KLRF1: variants seen among roughly 807,000 people sequenced by gnomAD.
KLRF1 encodes killer cell lectin-like receptor subfamily F member 1.
Under a neutral mutation model 30.7 loss-of-function variants are expected in KLRF1, and 27 were observed. That is an observed-to-expected ratio of 0.88 (90% CI 0.65 to 1.21). The LOEUF is 1.21. Among genes scored for constraint, KLRF1 ranks in the 50% most tolerant of loss-of-function variants. The probability of loss-of-function intolerance (pLI) is 0.00; values close to 1 mark genes in which losing one functional copy is unlikely to be tolerated. For synonymous variants in KLRF1, 92 were observed against 89.3 expected (o/e 1.03, Z -0.17); for missense variants, 246 against 259.3 (o/e 0.95, Z 0.35).
At chr12:9,805,502 AT>A in the KLRF1 span, among the ~76,000 whole-genome samples, 1 of 152,068 alleles carries the variant, frequency 6.6e-6, no homozygotes, top group Admixed American at 6.6e-5. Flanking sequence ...GTTGATGATT[AT>A]ATTTCAACAT....
At chr12:9,829,429 A>T (rs1038922598) in intron 1 of KLRF1, among the ~76,000 whole-genome samples, 2 of 152,084 alleles carry the variant, frequency 1.3e-5, no homozygotes, top group African/African-American at 4.8e-5. Flanking sequence ...TTATAGTAGC[A>T]TAAAACATTT....
chr12:9,800,205 A>G, the KLRF1 span, among the ~76,000 whole-genome samples: 1 of 152,138 alleles, frequency 6.6e-6, no homozygotes, highest in Non-Finnish European at 1.5e-5. Context: ...CATTTCAATC[A>G]GCAAAGAATG....
At chr12:9,844,363 A>G (rs1043437390) in intron 5 of KLRF1, 55 bp from the exon 6 acceptor site, 4 of 901,258 alleles carry the variant, frequency 4.4e-6, no homozygotes, top group Non-Finnish European at 7.2e-6. Context: ...CAGAAGACAC[A>G]AATGGATGTC....
chr12:9,811,346 C>T, the KLRF1 span, among the ~76,000 whole-genome samples: 5 of 88,978 alleles, frequency 5.6e-5, no homozygotes, highest in Non-Finnish European at 1.2e-4. Context: ...AGAGAGAAAA[C>T]ATTTGGAGTG....
chr12:9,821,137 A>G, the KLRF1 span, among the ~76,000 whole-genome samples: 1 of 152,054 alleles, frequency 6.6e-6, no homozygotes, highest in African/African-American at 2.4e-5. Context: ...ACAGCATGCC[A>G]CAGACACCAT....
At chr12:9,829,149 A>G (rs1867351513) in intron 1 of KLRF1, among the ~76,000 whole-genome samples, 1 of 152,200 alleles carries the variant, frequency 6.6e-6, no homozygotes, top group Non-Finnish European at 1.5e-5. Context: ...GATAGTAAGA[A>G]ATTACATAAT....
chr12:9,809,700 G>C, the KLRF1 span, among the ~76,000 whole-genome samples: 4 of 152,048 alleles, frequency 2.6e-5, no homozygotes, highest in Admixed American at 1.3e-4. Flanking sequence ...AGTATTCAAA[G>C]ATAAATTGTT....
At chr12:9,840,225 G>T (rs1386780174) in intron 3 of KLRF1, among the ~76,000 whole-genome samples, 1 of 152,046 alleles carries the variant, frequency 6.6e-6, no homozygotes, top group Non-Finnish European at 1.5e-5. Flanking sequence ...TGACTACTTA[G>T]TGTTTATATG....
At chr12:9,843,071 A>C (rs1014641185) in intron 5 of KLRF1, among the ~76,000 whole-genome samples, 5 of 151,764 alleles carry the variant, frequency 3.3e-5, no homozygotes, top group African/African-American at 9.6e-5. Context: ...TAAATGAGGA[A>C]TCTCGAGATA....
At chr12:9,821,366 A>T in the KLRF1 span, among the ~76,000 whole-genome samples, 2 of 152,060 alleles carry the variant, frequency 1.3e-5, no homozygotes, top group Admixed American at 6.6e-5. Context: ...CTACCCTCAG[A>T]CTAATGAAGG....
upstream of KLRF1, among the ~76,000 whole-genome samples, chr12:9,824,073 A>T (rs1289440350): frequency 6.6e-6 from 1 of 152,192 alleles, no homozygotes; most frequent in Non-Finnish European, 1.5e-5. Context: ...TCCCATGGAA[A>T]CTATTCCAAA....
the KLRF1 span, among the ~76,000 whole-genome samples, chr12:9,816,972 A>T: frequency 6.6e-6 from 1 of 151,360 alleles, no homozygotes; most frequent in African/African-American, 2.4e-5. Flanking sequence ...TGACCTCGTG[A>T]TCCGCCCGCC....
chr12:9,806,192 T>G, the KLRF1 span, among the ~76,000 whole-genome samples: 1 of 152,014 alleles, frequency 6.6e-6, no homozygotes, highest in Admixed American at 6.6e-5. Flanking sequence ...CTGTAAGAAC[T>G]GCTTTGTTTG....
the KLRF1 span, among the ~76,000 whole-genome samples, chr12:9,812,622 C>A: frequency 1.3e-5 from 2 of 152,142 alleles, no homozygotes; most frequent in Non-Finnish European, 2.9e-5. Flanking sequence ...AGTCCCTCAT[C>A]CTGCTATCTA....
Position 9,833,901 on chromosome 12 carries a change from C to CTTTTT in KLRF1, c.334+470_334+474dup, listed in dbSNP as rs35443913. Among the ~76,000 whole-genome samples, 162 of 82,396 alleles carry CTTTTT rather than the reference C, an allele frequency of 2.0e-3. 10 individuals are homozygous for CTTTTT. The highest frequency in any genetic ancestry group is 7.0e-3 in the African/African-American group (126 of 18,054). The allele number at this position is 82,396 out of a possible 152,430, so 54.1% of individuals were successfully genotyped here. A position where few individuals can be genotyped will look rare whatever the true frequency, so the allele number is the denominator to read the frequency against. On this transcript the variant is annotated intron_variant, in intron 3 of 5. Transcript: ENST00000617889. The stretch of plus-strand genomic sequence containing the variant: ...TTACCTTCTATTTTTAAATGTTTAA[C>CTTTTT]TTTTTTTTTTTTTTTTTTTTTTTTT...
rs755992978 is a variant in KLRF1, at chr12:9,832,683, G to GTGTGTGTA, written c.184+274_184+275insGTATGTGT. On this transcript the variant is annotated intron_variant, in intron 2 of 5. Coordinates refer to ENST00000617889, the MANE Select transcript of KLRF1 (RefSeq NM_016523.3). ...TGTGTGTGTGTGTGTGTGTGTGTGT[G>GTGTGTGTA]TGTGTATGTGTGTGTATGTGTGGTA... 6.0e-3 allele frequency among the ~76,000 whole-genome samples: 904 copies of GTGTGTGTA among 151,000 alleles called. 8 individuals carry two copies. Among genetic ancestry groups the GTGTGTGTA allele is most frequent in the African/African-American group, 0.02 (795 of 40,758 alleles).
chr12:9,827,562 A>G lies in KLRF1; in HGVS notation c.18A>G (p.Arg6=). The change falls in exon 1 of 6, where the codon AGA becomes AGG. Residue 6 remains arginine (R), a synonymous_variant. Coordinates refer to ENST00000617889, the MANE Select transcript of KLRF1 (RefSeq NM_016523.3). ...CATTGAAGATGCAAGATGAAGAAAG[A>G]TACATGACATTGAATGTACAGTCAA... is the stretch of plus-strand genomic sequence containing the variant. MQDEE[R]YMTLNVQSKK... The G allele has an allele frequency of 1.9e-6, 3 of 1,605,010 alleles. No homozygotes were observed. Among genetic ancestry groups the G allele is most frequent in the Non-Finnish European group, 2.6e-6 (3 of 1,173,120 alleles).
the KLRF1 span, among the ~76,000 whole-genome samples, chr12:9,809,493 T>C: frequency 6.6e-6 from 1 of 152,146 alleles, no homozygotes; most frequent in Non-Finnish European, 1.5e-5. Flanking sequence ...AAGTATTATT[T>C]CCAGGAACTA....
the KLRF1 span, among the ~76,000 whole-genome samples, chr12:9,813,602 T>C: frequency 1.3e-5 from 2 of 151,726 alleles, no homozygotes; most frequent in East Asian, 3.9e-4. Context: ...AGGCCCTCAG[T>C]ACTTTCCTCC....
Sources: gnomAD v4.1 joint callset for allele counts (sites outside exome capture counted in the v4.1 genomes callset) on GRCh38, gnomAD v4.1.1 for gene constraint, MANE v1.5 for transcripts, NCBI Gene and HGNC (gene_info 2026-07-23, HGNC 2026-07-21) for gene names.